The following AP4M1 variants were observed in gnomAD, a reference collection of about 807,000 sequenced individuals.
The protein encoded by AP4M1 is AP-4 complex subunit mu-1.
Under a neutral mutation model 62.4 loss-of-function variants are expected in AP4M1, and 58 were observed. The ratio of observed to expected loss-of-function variants is 0.93; its 90% CI spans 0.75 to 1.16. AP4M1 has a LOEUF of 1.16. AP4M1 is among the 50% of genes most tolerant of loss of function. The pLI, the probability that AP4M1 is intolerant of heterozygous loss-of-function variation, is 0.00. For synonymous variants in AP4M1, 290 were observed against 239.7 expected (o/e 1.21, Z -1.94); for missense variants, 626 against 585.4 (o/e 1.07, Z -0.72).
chr7:100,103,028 T>C (rs1796185296), intron 4 of AP4M1, 68 bp downstream of exon 4: 1 of 1,305,942 alleles, frequency 7.7e-7, no homozygotes. Flanking sequence ...GCTCTTCTAC[T>C]GTGGGATGCC....
At position 100,105,273 on chromosome 7, in the gene AP4M1, C is replaced by G. The variant is rs553061919; in HGVS notation, c.761C>G (p.Ser254Trp). The change falls in exon 10 of 15, where the codon TCG becomes TGG. Residue 254 changes from serine (S) to tryptophan (W), a missense_variant. Ser to Trp is a radical substitution (Grantham distance 177). Transcript: ENST00000359593. ...CCAGGAATCCGGGTCGATGAAGTCT[C>G]GTTTCACAGCTCTGTGAATCTGGAC... ...YGPGIRVDEVSFHSSVNLDEF... is the reference protein window; with the variant it reads ...YGPGIRVDEVWFHSSVNLDEF... 1.2e-6 allele frequency: 2 copies of G among 1,614,138 alleles called. No individual in the cohort carries two copies. Among genetic ancestry groups the G allele is most frequent in the South Asian group, 1.1e-5 (1 of 91,080 alleles).
upstream of AP4M1, chr7:100,101,084 G>GC (rs1795994943): frequency 2.6e-6 from 2 of 757,930 alleles, no homozygotes; most frequent in Non-Finnish European, 4.2e-6. Flanking sequence ...AACATCGATG[G>GC]CCCCCCGCAC....
Position 100,105,618 on chromosome 7 carries a change from T to TG in AP4M1, c.929+84dup. 8.6e-6 allele frequency: 12 copies of TG among 1,392,732 alleles called. 1 individual carries two copies. In the South Asian group the frequency reaches 1.3e-4, roughly 15 times the overall value. The allele number at this position is 1,392,732 out of a possible 1,614,324, so 86.3% of individuals were successfully genotyped here. A position where few individuals can be genotyped will look rare whatever the true frequency, so the allele number is the denominator to read the frequency against. ...TATGTTCCCAAGACTCACTGCAGAG[T>TG]GGGGGTGGTGGTAGTGGTGATGGAG... is the stretch of plus-strand genomic sequence containing the variant. On this transcript the variant is annotated intron_variant, in intron 11 of 14. Transcript: ENST00000359593.
intron 6 of AP4M1, among the ~76,000 whole-genome samples, 192 bp from the exon 7 acceptor site, chr7:100,103,900 A>AG (rs1554379464): frequency 6.6e-6 from 1 of 150,912 alleles, no homozygotes; most frequent in African/African-American, 2.4e-5. Flanking sequence ...AAAAAAAAAA[A>AG]AAAAAAGAAA....
At chr7:100,104,030 C>T in intron 6 of AP4M1, 62 bp from the exon 7 acceptor site, 2 of 1,441,556 alleles carry the variant, frequency 1.4e-6, no homozygotes, top group Non-Finnish European at 2.0e-6. Context: ...TTCTCCCTGT[C>T]TGTCCATTTC....
At position 100,106,879 on chromosome 7, in the gene AP4M1, C is replaced by A. The variant is rs1233216878; in HGVS notation, c.1359C>A (p.Ile453=). The change falls in exon 15 of 15, where the codon ATC becomes ATA. Residue 453 remains isoleucine (I), a synonymous_variant. Coordinates refer to ENST00000359593, the MANE Select transcript of AP4M1 (RefSeq NM_004722.4). ...LSHSDAYVIR[I] ...ACAGCGACGCCTATGTCATTCGGAT[C>A]TGAGGCTCCCCAAACGAGGACACGA... 1.9e-6 allele frequency: 3 copies of A among 1,612,512 alleles called. No homozygotes were observed. In the East Asian group the frequency reaches 6.7e-5, roughly 36 times the overall value.
At chr7:100,101,434 T>C (rs766905560), upstream of AP4M1, 1 of 1,177,880 alleles carries the variant, frequency 8.5e-7, no homozygotes, top group Non-Finnish European at 1.2e-6. Context: ...CCGGCGCCAC[T>C]GCGTGCGGGC....
Position 100,105,075 on chromosome 7 carries a change from G to A in AP4M1, c.704G>A (p.Cys235Tyr), listed in dbSNP as rs149820983. The change falls in exon 9 of 15, where the codon TGT (cysteine) becomes TAT (tyrosine). Residue 235 changes from cysteine to tyrosine, a missense_variant. Physicochemically the swap from Cys to Tyr is radical, Grantham distance 194. Coordinates refer to ENST00000359593, the MANE Select transcript of AP4M1 (RefSeq NM_004722.4). ...EMRIGLTEEF[C>Y]VGKSELRGYG... ...CGCATTGGCTTGACGGAAGAGTTTT[G>A]TGTGGGGAAGTCAGAGCTGAGAGGT... 2 of 1,614,054 alleles carry A rather than the reference G, an allele frequency of 1.2e-6. No individual in the cohort carries two copies. The highest frequency in any genetic ancestry group is 1.7e-5 in the Admixed American group (1 of 59,996).
chr7:100,105,351 G>C lies in AP4M1; in HGVS notation c.834+5G>C, dbSNP rs1027881207. 1 of 1,614,102 alleles carries C rather than the reference G, an allele frequency of 6.2e-7. No individual in the cohort carries two copies. ...TTGCAACCACCTCAGGGCGAGGTCA[G>C]GGTTGGGGTGGCCTCATAAATTCCG... is the stretch of plus-strand genomic sequence containing the variant. On this transcript the variant is annotated splice_donor_5th_base_variant and intron_variant, in intron 10 of 14. Transcript: ENST00000359593.
Position 100,101,679 on chromosome 7 carries a change from C to G in AP4M1, c.-36C>G, listed in dbSNP as rs751121816. ...GGGCCGCAGGGCGGGGCAGGCCCGACTTTCGCCGTCTTCTTGTCTACTCTC... is the reference window on the plus strand; with the variant it reads ...GGGCCGCAGGGCGGGGCAGGCCCGAGTTTCGCCGTCTTCTTGTCTACTCTC... On this transcript the variant is annotated 5_prime_UTR_variant, in exon 1 of 15. Transcript: ENST00000359593. 9 of 1,599,124 alleles carry G rather than the reference C, an allele frequency of 5.6e-6. No individual in the cohort carries two copies. In the South Asian group the frequency reaches 7.7e-5, roughly 14 times the overall value.
At position 100,108,522 on chromosome 7, in the gene AP4M1, G is replaced by C; in HGVS notation, c.*1640G>C. 1 of 1,610,720 alleles carries C rather than the reference G, an allele frequency of 6.2e-7. No individual in the cohort carries two copies. Among genetic ancestry groups the C allele is most frequent in the Non-Finnish European group, 8.5e-7 (1 of 1,177,670 alleles). On this transcript the variant is annotated 3_prime_UTR_variant, in exon 15 of 15. Coordinates refer to ENST00000359593, the MANE Select transcript of AP4M1 (RefSeq NM_004722.4). ...TCAGGCGGTGGGCGCAGCTTTGCCA[G>C]AACAGGAGCACAGTGTTTCTGCAGA...
intron 8 of AP4M1, 26 bp from the exon 9 acceptor site, chr7:100,105,019 T>A (rs1796344042): frequency 6.2e-7 from 1 of 1,613,922 alleles, no homozygotes; most frequent in African/African-American, 1.3e-5. Context: ...ATTGCTGAGC[T>A]CTCCTGATGG....
In AP4M1 at chr7:100,103,465, G is replaced by A. The variant is rs1267130075; in HGVS notation, c.408G>A (p.Thr136=). ...AGATGCTGAGGAATTTCATCCAGAC[G>A]GAAGCTGTGGTCAGCAAGCCCTTCA... ...STEMLRNFIQ[T]EAVVSKPFSL... Residue 136 remains threonine (T), a synonymous_variant, in exon 5 of 15, where the codon ACG becomes ACA. Coordinates refer to ENST00000359593, the MANE Select transcript of AP4M1 (RefSeq NM_004722.4). 24 of 1,613,996 alleles carry A rather than the reference G, an allele frequency of 1.5e-5. 1 individual carries two copies. The highest frequency in any genetic ancestry group is 3.3e-4 in the Middle Eastern group (2 of 6,084).
Position 100,105,472 on chromosome 7 carries a change from G to C in AP4M1, c.862G>C (p.Asp288His), listed in dbSNP as rs767611212. 2 of 1,613,876 alleles carry C rather than the reference G, an allele frequency of 1.2e-6. No homozygotes were observed. Residue 288 changes from aspartate to histidine, a missense_variant, in exon 11 of 15, where the codon GAT (aspartate) becomes CAT (histidine). Physicochemically the swap from Asp to His is moderately conservative, Grantham distance 81. Transcript: ENST00000359593. ...ELTVMRYQLS[D>H]DLPSPLPFRL... The stretch of plus-strand genomic sequence containing the variant: ...GACTGTGATGCGGTACCAACTCTCC[G>C]ATGACCTCCCCTCACCGCTCCCCTT...
chr7:100,100,945 C>A (rs1287931944), upstream of AP4M1: 5 of 1,055,564 alleles, frequency 4.7e-6, no homozygotes, highest in Non-Finnish European at 6.2e-6. Flanking sequence ...AGCCCAGAGC[C>A]CTTAAGACTC....
chr7:100,108,211 C>T lies in AP4M1; in HGVS notation c.*1329C>T, dbSNP rs567266925. 1.4e-6 allele frequency: 2 copies of T among 1,468,710 alleles called. No individual in the cohort carries two copies. Among genetic ancestry groups the T allele is most frequent in the East Asian group, 2.4e-5 (1 of 41,074 alleles). 91.0% of individuals were successfully genotyped at this position (1,468,710 alleles called of 1,614,324 possible). On this transcript the variant is annotated 3_prime_UTR_variant, in exon 15 of 15. Transcript: ENST00000359593. ...GAGGCCTGGGCTCCCCTCGCTCTTC[C>T]TCAGTGGCTCTCACTAGGGCTGGGG...
rs775781039 is a variant in AP4M1, at chr7:100,103,687, G to A, written c.538G>A (p.Asp180Asn). The A allele has an allele frequency of 1.9e-6, 3 of 1,612,168 alleles. No individual in the cohort carries two copies. In the Admixed American group the frequency reaches 5.0e-5, roughly 27 times the overall value. The change falls in exon 6 of 15, where the codon GAC (aspartate) becomes AAC (asparagine). Residue 180 changes from aspartate (D) to asparagine (N), a missense_variant. Transcript: ENST00000359593. Reference protein sequence around the residue: ...ASRPVLSSRSDQSQKNEVFLD... With the variant: ...ASRPVLSSRSNQSQKNEVFLD... ...CCGCCCCGTCCTGTCCAGTCGCTCTGACCAGGTGAGGGAAGGATCCATGGG... is the reference window on the plus strand; with the variant it reads ...CCGCCCCGTCCTGTCCAGTCGCTCTAACCAGGTGAGGGAAGGATCCATGGG...
Position 100,105,914 on chromosome 7 carries a change from C to T in AP4M1, c.930-45C>T, listed in dbSNP as rs1428323747. ...TCCCTGGTGGGGAATGGTGAGATGC[C>T]AGTAGAAGATGGCCTGAGTCGTGGT... is the stretch of plus-strand genomic sequence containing the variant. On this transcript the variant is annotated intron_variant, in intron 11 of 14. Coordinates refer to ENST00000359593, the MANE Select transcript of AP4M1 (RefSeq NM_004722.4). 5.6e-6 allele frequency: 9 copies of T among 1,609,644 alleles called. No homozygotes were observed. In the East Asian group the frequency reaches 1.3e-4, roughly 24 times the overall value.
Position 100,107,015 on chromosome 7 carries a change from G to C in AP4M1, c.*133G>C, listed in dbSNP as rs1471661499. The C allele has an allele frequency of 5.6e-6, 7 of 1,248,194 alleles. No homozygotes were observed. Among genetic ancestry groups the C allele is most frequent in the South Asian group, 2.6e-5 (2 of 78,316 alleles). The allele number at this position is 1,248,194 out of a possible 1,614,324, so 77.3% of individuals were successfully genotyped here. The stretch of plus-strand genomic sequence containing the variant: ...GAGTCCTCAGTCCCAAGACCAGGAG[G>C]GGGCAATGGGCCCAGCCTTTCTGTG... On this transcript the variant is annotated 3_prime_UTR_variant, in exon 15 of 15. Transcript: ENST00000359593.
Sources: allele counts gnomAD v4.1 joint callset (sites outside exome capture counted in the v4.1 genomes callset), GRCh38; gene constraint gnomAD v4.1.1; transcripts MANE v1.5; gene names NCBI Gene and HGNC (gene_info 2026-07-23, HGNC 2026-07-21).